Variants in NOL4 observed in about 807,000 individuals in gnomAD.
The protein encoded by NOL4 is nucleolar protein 4, also known as cancer/testis antigen 125.
NOL4 carries 17 observed loss-of-function variants against 75.9 expected under a neutral mutation model. The ratio of observed to expected loss-of-function variants is 0.22; its 90% CI spans 0.15 to 0.34. NOL4 has a LOEUF of 0.34. Ranked by LOEUF, NOL4 falls within the 10% of genes least tolerant of loss-of-function variation. NOL4 has a pLI of 1.00. For synonymous variants in NOL4, 292 were observed against 289.9 expected (o/e 1.01, Z -0.07); for missense variants, 614 against 793.5 (o/e 0.77, Z 2.72).
chr18:34,129,925 C>A lies in NOL4; in HGVS notation c.360G>T (p.Gly120=). The A allele has an allele frequency of 1.3e-6, 2 of 1,596,838 alleles. No individual in the cohort carries two copies. The highest frequency in any genetic ancestry group is 1.3e-5 in the African/African-American group (1 of 74,124). Reference sequence around the variant, plus strand: ...GTTTCCGAATTTGTTCTCCATTTGGCCCCGTTTCCACATGCATCGAATAAA... The same window carrying A: ...GTTTCCGAATTTGTTCTCCATTTGGACCCGTTTCCACATGCATCGAATAAA... ...DIIYSMHVET[G]PNGEQIRKHA... The change falls in exon 2 of 11, where the codon GGG becomes GGT. Residue 120 remains glycine (G), a synonymous_variant. Transcript: ENST00000261592.
intron 1 of NOL4, among the ~76,000 whole-genome samples, chr18:34,144,120 A>G (rs2081303495): frequency 6.6e-6 from 1 of 152,188 alleles, no homozygotes; most frequent in Non-Finnish European, 1.5e-5. Flanking sequence ...AAGAGTATAG[A>G]CAATACTACA....
chr18:34,215,325 T>G (rs543387803), intron 1 of NOL4, among the ~76,000 whole-genome samples: 33 of 152,306 alleles, frequency 2.2e-4, no homozygotes, highest in Non-Finnish European at 4.3e-4. Flanking sequence ...TTTTATTTAT[T>G]CCATTAATAC....
chr18:34,105,218 C>T, intron 2 of NOL4, 58 bp from the exon 3 acceptor site: 1 of 1,101,104 alleles, frequency 9.1e-7, no homozygotes, highest in Non-Finnish European at 1.4e-6. Context: ...CATGATTTAA[C>T]AGAAATGATC....
chr18:33,886,055 A>G (rs1328884367), intron 9 of NOL4, among the ~76,000 whole-genome samples: 1 of 152,178 alleles, frequency 6.6e-6, no homozygotes. Flanking sequence ...ATCTTAAGTC[A>G]TAAACCAGGC....
At chr18:34,161,600 T>G (rs1289763597) in intron 1 of NOL4, among the ~76,000 whole-genome samples, 1 of 152,164 alleles carries the variant, frequency 6.6e-6, no homozygotes, top group Non-Finnish European at 1.5e-5. Flanking sequence ...ATTAATGATG[T>G]TGAGATTTTT....
At chr18:34,019,901 G>A (rs556783517) in intron 5 of NOL4, among the ~76,000 whole-genome samples, 94 of 151,852 alleles carry the variant, frequency 6.2e-4, no homozygotes, top group Non-Finnish European at 8.7e-4. Flanking sequence ...ATGGCTTGGT[G>A]CCATCCCCAT....
intron 10 of NOL4, among the ~76,000 whole-genome samples, chr18:33,880,621 G>A (rs756693596): frequency 1.6e-4 from 25 of 151,870 alleles, no homozygotes; most frequent in Non-Finnish European, 3.2e-4. Context: ...AGACCCATGC[G>A]TCCTTTCCAT....
chr18:34,090,224 G>A (rs1007403046), intron 5 of NOL4, among the ~76,000 whole-genome samples: 2 of 151,872 alleles, frequency 1.3e-5, no homozygotes, highest in African/African-American at 4.8e-5. Flanking sequence ...ATATAATTAT[G>A]GTAAAAAGTT....
chr18:33,974,343 T>C lies in NOL4; in HGVS notation c.1057-15925A>G, dbSNP rs551856007. Among the ~76,000 whole-genome samples, 9 of 152,300 alleles carry C rather than the reference T, an allele frequency of 5.9e-5. No homozygotes were observed. In the South Asian group the frequency reaches 1.9e-3, roughly 32 times the overall value. On this transcript the variant is annotated intron_variant, in intron 6 of 10. Coordinates refer to ENST00000261592, the MANE Select transcript of NOL4 (RefSeq NM_003787.5). ...TAAGGGAATATTGTGGCTGGTTTGATGTTCTATCCAGACTATTAAAACCTT... is the reference window on the plus strand; with the variant it reads ...TAAGGGAATATTGTGGCTGGTTTGACGTTCTATCCAGACTATTAAAACCTT...
At chr18:33,872,862 A>G (rs1347215725) in intron 10 of NOL4, among the ~76,000 whole-genome samples, 1 of 152,064 alleles carries the variant, frequency 6.6e-6, no homozygotes, top group Non-Finnish European at 1.5e-5. Context: ...TAGTATTTAA[A>G]ATAGGAAAAT....
At chr18:34,041,275 T>C (rs2076127371) in intron 5 of NOL4, among the ~76,000 whole-genome samples, 1 of 151,890 alleles carries the variant, frequency 6.6e-6, no homozygotes, top group Non-Finnish European at 1.5e-5. Flanking sequence ...AATTCTCAGC[T>C]TAAGAGAAGA....
intron 1 of NOL4, among the ~76,000 whole-genome samples, chr18:34,146,590 T>C (rs542137972): frequency 6.6e-6 from 1 of 152,298 alleles, no homozygotes; most frequent in African/African-American, 2.4e-5. Flanking sequence ...TCTATATATC[T>C]CTTTTGGTAG....
chr18:34,098,490 T>G (rs1474638543), intron 4 of NOL4, among the ~76,000 whole-genome samples: 1 of 152,134 alleles, frequency 6.6e-6, no homozygotes, highest in African/African-American at 2.4e-5. Context: ...TGAATGTCAC[T>G]GAGTAAATGA....
At chr18:34,062,217 T>G (rs1019606230) in intron 5 of NOL4, among the ~76,000 whole-genome samples, 2 of 149,892 alleles carry the variant, frequency 1.3e-5, no homozygotes, top group Non-Finnish European at 3.0e-5. Flanking sequence ...AAAAAAAAAG[T>G]TTTTTTTTAA....
At chr18:34,204,819 GGAA>G (rs1381147796) in intron 1 of NOL4, among the ~76,000 whole-genome samples, 2 of 152,144 alleles carry the variant, frequency 1.3e-5, no homozygotes, top group South Asian at 2.1e-4. Context: ...GAGAAAAAAA[GGAA>G]GAAGAATTAA....
chr18:34,049,098 A>G (rs528886969), intron 5 of NOL4, among the ~76,000 whole-genome samples: 2 of 143,016 alleles, frequency 1.4e-5, no homozygotes, highest in Admixed American at 1.4e-4. Flanking sequence ...ACACACACAC[A>G]CACACACACA....
chr18:34,076,397 T>C (rs11081842), intron 5 of NOL4, among the ~76,000 whole-genome samples: 57,345 of 152,050 alleles, frequency 0.38, 11,300 homozygotes, highest in South Asian at 0.54. Flanking sequence ...CCTATTCTAC[T>C]TACTCCAAAG....
At chr18:34,138,572 T>C (rs113258880) in intron 1 of NOL4, among the ~76,000 whole-genome samples, 1 of 152,238 alleles carries the variant, frequency 6.6e-6, no homozygotes, top group Admixed American at 6.5e-5. Context: ...ACTAAAAATA[T>C]TGAATTATAC....
At chr18:34,161,905 T>G (rs2031539758) in intron 1 of NOL4, among the ~76,000 whole-genome samples, 1 of 152,178 alleles carries the variant, frequency 6.6e-6, no homozygotes, top group Admixed American at 6.5e-5. Context: ...TCTAAGGAAT[T>G]TCCCTTTAAA....
Sources: gnomAD v4.1 joint callset for allele counts (sites outside exome capture counted in the v4.1 genomes callset) on GRCh38, gnomAD v4.1.1 for gene constraint, MANE v1.5 for transcripts, NCBI Gene and HGNC (gene_info 2026-07-23, HGNC 2026-07-21) for gene names.